Variants in ADAMTSL1 observed in about 807,000 individuals in gnomAD.
ADAMTSL1 encodes the protein ADAMTS like 1.
Under a neutral mutation model 201.8 loss-of-function variants are expected in ADAMTSL1, and 126 were observed. The ratio of observed to expected loss-of-function variants is 0.62; its 90% CI spans 0.54 to 0.72. ADAMTSL1 has a LOEUF of 0.72. Ranked by LOEUF, ADAMTSL1 falls within the 30% of genes least tolerant of loss-of-function variation. The pLI is 0.00. For missense variants in ADAMTSL1, 2,679 were observed against 2,277.8 expected, an observed-to-expected ratio of 1.18 and a Z score of -3.59; for synonymous variants, 1,121 against 903.4, an observed-to-expected ratio of 1.24 and a Z score of -4.32.
At chr9:18,713,173 G>A (rs10811018) in intron 14 of ADAMTSL1, among the ~76,000 whole-genome samples, 37,733 of 149,388 alleles carry the variant, frequency 0.25, 5,261 homozygotes, top group Middle Eastern at 0.32. Context: ...CATCGAGACT[G>A]GGAAGAAACT....
intron 1 of ADAMTSL1, among the ~76,000 whole-genome samples, chr9:18,055,379 A>G (rs906966989): frequency 6.6e-6 from 1 of 152,020 alleles, no homozygotes; most frequent in African/African-American, 2.4e-5. Flanking sequence ...ATGCTGCCAC[A>G]CCCCCATCAA....
At chr9:18,099,102 G>GC (rs1824376930) in intron 1 of ADAMTSL1, among the ~76,000 whole-genome samples, 1 of 142,582 alleles carries the variant, frequency 7.0e-6, no homozygotes, top group Non-Finnish European at 1.5e-5. Flanking sequence ...TTGACAGCAG[G>GC]TTTTTTTTTT....
chr9:18,626,837 CTTTTTCT>C (rs1158887378), intron 5 of ADAMTSL1, among the ~76,000 whole-genome samples: 2 of 125,366 alleles, frequency 1.6e-5, no homozygotes, highest in Non-Finnish European at 3.5e-5. Flanking sequence ...TTCTTACTTT[CTTTTTCT>C]TTCTTTCTTT....
chr9:18,887,637 A>G (rs1016533947), intron 23 of ADAMTSL1, among the ~76,000 whole-genome samples, 194 bp from the exon 24 acceptor site: 7 of 152,232 alleles, frequency 4.6e-5, no homozygotes, highest in African/African-American at 1.7e-4. Flanking sequence ...TGAATGAATC[A>G]TAGTCACCCT....
At chr9:18,072,272 A>G (rs1471133844) in intron 1 of ADAMTSL1, among the ~76,000 whole-genome samples, 1 of 152,208 alleles carries the variant, frequency 6.6e-6, no homozygotes, top group Non-Finnish European at 1.5e-5. Flanking sequence ...GTTATGCGAA[A>G]CATGATTTTA....
At chr9:18,813,489 T>G (rs894384477) in intron 20 of ADAMTSL1, among the ~76,000 whole-genome samples, 4 of 152,348 alleles carry the variant, frequency 2.6e-5, no homozygotes, top group African/African-American at 9.6e-5. Context: ...TTGTGTCCTT[T>G]TCAATTTCTT....
In ADAMTSL1 at chr9:18,731,115, A is replaced by G. The variant is rs55758507; in HGVS notation, c.2006+9450A>G. On this transcript the variant is annotated intron_variant, in intron 15 of 28. Transcript: ENST00000380548. The stretch of plus-strand genomic sequence containing the variant: ...AATGGGGGAATCTTGGCAATTTTTA[A>G]GAATTGGGGAATTTCAGGAGGACAA... Among the ~76,000 whole-genome samples the G allele has an allele frequency of 6.0e-3, 917 of 152,344 alleles. 8 individuals carry two copies. The highest frequency in any genetic ancestry group is 0.019 in the African/African-American group (809 of 41,588).
intron 16 of ADAMTSL1, among the ~76,000 whole-genome samples, chr9:18,759,548 A>C (rs1176960674): frequency 6.6e-6 from 1 of 152,198 alleles, no homozygotes; most frequent in Non-Finnish European, 1.5e-5. Flanking sequence ...GGGAGGAAAA[A>C]ACTCTTAGGA....
intron 2 of ADAMTSL1, among the ~76,000 whole-genome samples, chr9:18,440,324 A>G (rs1205973677): frequency 6.6e-6 from 1 of 152,172 alleles, no homozygotes; most frequent in Non-Finnish European, 1.5e-5. Context: ...AAAAACAATA[A>G]CAAATCTGTA....
At chr9:18,665,301 A>G (rs1474236070) in intron 9 of ADAMTSL1, among the ~76,000 whole-genome samples, 2 of 152,138 alleles carry the variant, frequency 1.3e-5, no homozygotes, top group African/African-American at 2.4e-5. Flanking sequence ...ATTTTGCTTT[A>G]TAATAGGTAA....
intron 2 of ADAMTSL1, among the ~76,000 whole-genome samples, chr9:18,526,663 G>C (rs532757330): frequency 6.6e-6 from 1 of 152,246 alleles, no homozygotes; most frequent in East Asian, 1.9e-4. Flanking sequence ...GCATTTGCTT[G>C]TCTGTAAAGG....
intron 2 of ADAMTSL1, among the ~76,000 whole-genome samples, chr9:18,457,767 G>A (rs536167269): frequency 2.0e-5 from 3 of 152,326 alleles, no homozygotes; most frequent in South Asian, 4.1e-4. Flanking sequence ...TAGAGAAAGT[G>A]ATAATGCTTT....
chr9:18,388,126 G>A (rs1045008373), intron 2 of ADAMTSL1, among the ~76,000 whole-genome samples: 1 of 151,590 alleles, frequency 6.6e-6, no homozygotes, highest in Non-Finnish European at 1.5e-5. Flanking sequence ...CCTATATTTT[G>A]AACCTTTTTA....
At chr9:18,733,962 C>G (rs1422074154) in intron 15 of ADAMTSL1, among the ~76,000 whole-genome samples, 2 of 147,214 alleles carry the variant, frequency 1.4e-5, no homozygotes, top group East Asian at 4.2e-4. Context: ...ACTACCTAAA[C>G]TAATTCACAC....
At chr9:18,508,902 A>ATATGTTCTGGGATATGT (rs1381173934) in intron 2 of ADAMTSL1, among the ~76,000 whole-genome samples, 1 of 142,602 alleles carries the variant, frequency 7.0e-6, no homozygotes, top group Admixed American at 6.8e-5. Context: ...TTAGAAATAG[A>ATATGTTCTGGGATATGT]GGCCGGGCGC....
At chr9:18,595,208 G>T (rs1236750106) in intron 4 of ADAMTSL1, among the ~76,000 whole-genome samples, 3 of 152,166 alleles carry the variant, frequency 2.0e-5, no homozygotes, top group Non-Finnish European at 4.4e-5. Context: ...AGGGATCCTT[G>T]CCTGTAGGCC....
chr9:18,570,214 C>T lies in ADAMTSL1; in HGVS notation c.238-3816C>T, dbSNP rs555373894. Reference sequence around the variant, plus strand: ...GGAGAATGAAGGGCGAGACCCCATTCGCCACAAAAGGAAAAAAAAAAAAAG... The same window carrying T: ...GGAGAATGAAGGGCGAGACCCCATTTGCCACAAAAGGAAAAAAAAAAAAAG... On this transcript the variant is annotated intron_variant, in intron 3 of 28. Transcript: ENST00000380548. Among the ~76,000 whole-genome samples, 157 of 148,110 alleles carry T rather than the reference C, an allele frequency of 1.1e-3. 4 individuals are homozygous for T. Among genetic ancestry groups the T allele is most frequent in the Non-Finnish European group, 8.9e-4 (60 of 67,484 alleles).
At position 18,074,894 on chromosome 9, in the gene ADAMTSL1, C is replaced by T. The variant is rs1823147035; in HGVS notation, c.88-88968C>T. Among the ~76,000 whole-genome samples the T allele has an allele frequency of 2.0e-5, 3 of 152,250 alleles. No homozygotes were observed. The South Asian group carries it at 6.2e-4, about 32-fold the overall frequency. On this transcript the variant is annotated intron_variant, in intron 1 of 29. Transcript: ENST00000680146. ...GCGTGAGCCATGGTGCCCAGCCTCA[C>T]CACATTGCATTTCCCCTCACTGGAA... is the stretch of plus-strand genomic sequence containing the variant.
chr9:18,729,929 T>A (rs1818115063), intron 15 of ADAMTSL1, among the ~76,000 whole-genome samples: 1 of 152,244 alleles, frequency 6.6e-6, no homozygotes, highest in Non-Finnish European at 1.5e-5. Context: ...CAGATAACTT[T>A]CTTCTGTGGA....
Sources: gnomAD v4.1 joint callset for allele counts (sites outside exome capture counted in the v4.1 genomes callset) on GRCh38, gnomAD v4.1.1 for gene constraint, MANE v1.5 for transcripts, NCBI Gene and HGNC (gene_info 2026-07-23, HGNC 2026-07-21) for gene names.